Variants in COG4 observed in about 807,000 individuals in gnomAD.
The protein encoded by COG4 is conserved oligomeric Golgi complex subunit 4.
Under a neutral mutation model 95.1 loss-of-function variants are expected in COG4, and 65 were observed. The observed-to-expected ratio is 0.68, with a 90% CI of 0.56 to 0.84. The LOEUF (loss-of-function observed/expected upper bound fraction) is 0.84. Among genes scored for constraint, COG4 ranks in the 40% least tolerant of loss-of-function variants. The pLI is 0.00. For synonymous variants in COG4, 421 were observed against 374.8 expected (o/e 1.12, Z -1.42); for missense variants, 1,045 against 989.1 (o/e 1.06, Z -0.76).
intron 13 of COG4, among the ~76,000 whole-genome samples, chr16:70,487,590 A>C (rs1248601552): frequency 2.0e-5 from 3 of 152,204 alleles, no homozygotes; most frequent in Non-Finnish European, 4.4e-5. Flanking sequence ...TCAAAAAAAA[A>C]CCAACAATGA....
chr16:70,488,781 C>T (rs1266110405), intron 13 of COG4, among the ~76,000 whole-genome samples: 1 of 149,772 alleles, frequency 6.7e-6, no homozygotes, highest in East Asian at 2.0e-4. Context: ...GAATTCCTGA[C>T]CTCAGGTGAT....
intron 13 of COG4, among the ~76,000 whole-genome samples, chr16:70,487,804 TTATTTTTAC>T (rs1246113959): frequency 5.9e-5 from 9 of 152,130 alleles, no homozygotes; most frequent in Admixed American, 3.3e-4. Context: ...AATTTTAAAT[TTATTTTTAC>T]TATTTTTACT....
intron 2 of COG4, among the ~76,000 whole-genome samples, chr16:70,518,485 A>C (rs1311373896): frequency 6.6e-6 from 1 of 152,122 alleles, no homozygotes; most frequent in Non-Finnish European, 1.5e-5. Context: ...TAGCCTCCTG[A>C]GTAGCTGAGA....
chr16:70,522,270 C>T (rs2049963747), intron 1 of COG4, among the ~76,000 whole-genome samples: 2 of 152,132 alleles, frequency 1.3e-5, no homozygotes, highest in African/African-American at 4.8e-5. Context: ...GCTGGGATGG[C>T]AGGCGTGAGC....
intron 5 of COG4, among the ~76,000 whole-genome samples, chr16:70,510,459 A>T (rs945665944): frequency 5.3e-5 from 8 of 152,212 alleles, no homozygotes; most frequent in African/African-American, 1.9e-4. Flanking sequence ...AGTAGCTGGA[A>T]CTATAGGCGA....
intron 9 of COG4, among the ~76,000 whole-genome samples, chr16:70,500,386 T>TTTTTTTTTTTTGAAA (rs2049424016): frequency 8.2e-6 from 1 of 121,948 alleles, no homozygotes; most frequent in African/African-American, 2.9e-5. Context: ...TTTTTTTTTT[T>TTTTTTTTTTTTGAAA]GAGACAGAGT....
At chr16:70,482,282 C>T in intron 15 of COG4, 107 bp from the exon 16 acceptor site, 1 of 802,168 alleles carries the variant, frequency 1.2e-6, no homozygotes, top group Admixed American at 1.9e-5. Context: ...TTCTTCCTTC[C>T]CTGTGCCTTC....
intron 17 of COG4, 115 bp from the exon 18 acceptor site, chr16:70,481,602 T>C (rs2151737072): frequency 6.6e-7 from 1 of 1,519,124 alleles, no homozygotes; most frequent in Non-Finnish European, 9.1e-7. Context: ...TGCCCTGTGG[T>C]TTGTTTGCTC....
Position 70,505,664 on chromosome 16 carries a change from C to T in COG4, c.1061+2742G>A, listed in dbSNP as rs1410163013. Among the ~76,000 whole-genome samples, 90 of 150,444 alleles carry T rather than the reference C, an allele frequency of 6.0e-4. 1 individual carries two copies. The highest frequency in any genetic ancestry group is 3.9e-4 in the Non-Finnish European group (26 of 67,504). ...CTAACACGGTGAAACCCCGTCTCTACTAAAAATACAAAAAATTAGCCGGGC... is the reference window on the plus strand; with the variant it reads ...CTAACACGGTGAAACCCCGTCTCTATTAAAAATACAAAAAATTAGCCGGGC... On this transcript the variant is annotated intron_variant, in intron 8 of 18. Coordinates refer to ENST00000323786, the MANE Select transcript of COG4 (RefSeq NM_015386.3).
rs9929882 is a variant in COG4, at chr16:70,516,542, C to G, written c.369+1084G>C. Among the ~76,000 whole-genome samples the G allele has an allele frequency of 2.0e-5, 3 of 151,840 alleles. 1 individual carries two copies. Among genetic ancestry groups the G allele is most frequent in the African/African-American group, 7.3e-5 (3 of 41,216 alleles). On this transcript the variant is annotated intron_variant, in intron 3 of 18. Transcript: ENST00000323786. ...CGATCTCCTGACCTTGTGATCTGTC[C>G]GCCTTGGCCTCCCAAAGTGCTGGGA... is the stretch of plus-strand genomic sequence containing the variant.
At chr16:70,491,056 C>G (rs1391835690) in intron 12 of COG4, among the ~76,000 whole-genome samples, 1 of 152,150 alleles carries the variant, frequency 6.6e-6, no homozygotes, top group Non-Finnish European at 1.5e-5. Flanking sequence ...GGTCAAGCCC[C>G]AGGTCAGTGA....
At chr16:70,495,397 C>CAAAAAAA (rs11382671) in intron 12 of COG4, among the ~76,000 whole-genome samples, 4 of 111,330 alleles carry the variant, frequency 3.6e-5, no homozygotes, top group African/African-American at 1.4e-4. Flanking sequence ...GACTCCATCT[C>CAAAAAAA]AAAAAAAAAA....
intron 12 of COG4, among the ~76,000 whole-genome samples, chr16:70,494,783 AT>A (rs2049307014): frequency 6.6e-6 from 1 of 152,244 alleles, no homozygotes; most frequent in Non-Finnish European, 1.5e-5. Flanking sequence ...AAGTTGGTTC[AT>A]GATGTGATGC....
At chr16:70,506,644 T>C (rs1436380792) in intron 8 of COG4, among the ~76,000 whole-genome samples, 1 of 97,360 alleles carries the variant, frequency 1.0e-5, no homozygotes, top group Non-Finnish European at 1.9e-5. Context: ...TAGCTGGGAG[T>C]GGTGACTGTA....
chr16:70,497,984 A>C lies in COG4; in HGVS notation c.1267T>G (p.Leu423Val). Residue 423 changes from leucine to valine, a missense_variant, in exon 10 of 19, where the codon TTA becomes GTA. Physicochemically the swap from Leu to Val is conservative, Grantham distance 32. Coordinates refer to ENST00000323786, the MANE Select transcript of COG4 (RefSeq NM_015386.3). The part of the protein sequence containing the change: ...LSCTMQELIG[L>V]YVTMEEYFMR... ...AAGTACTCCTCCATGGTAACATATA[A>C]GCCAATTAGCTCCTGCATGGTACAG... The C allele has an allele frequency of 6.2e-7, 1 of 1,613,376 alleles. No individual in the cohort carries two copies. The highest frequency in any genetic ancestry group is 8.5e-7 in the Non-Finnish European group (1 of 1,179,310).
At chr16:70,523,137 G>A (rs902879822) in intron 1 of COG4, 7 of 573,900 alleles carry the variant, frequency 1.2e-5, no homozygotes, top group Admixed American at 5.9e-5. Context: ...ATCAACGGGG[G>A]TCTAGGGAGG....
At chr16:70,521,426 T>G (rs2049939407) in intron 1 of COG4, among the ~76,000 whole-genome samples, 1 of 152,188 alleles carries the variant, frequency 6.6e-6, no homozygotes, top group East Asian at 1.9e-4. Flanking sequence ...TTCGCCACGT[T>G]GGCCAGGTTG....
chr16:70,510,078 A>G (rs115804596), intron 5 of COG4, 57 bp from the exon 6 acceptor site: 11 of 1,436,694 alleles, frequency 7.7e-6, no homozygotes, highest in Middle Eastern at 1.8e-4. Context: ...CATACCAGGT[A>G]TATCTCAGTT....
intron 15 of COG4, 95 bp downstream of exon 15, chr16:70,482,634 G>C: frequency 1.0e-6 from 1 of 987,110 alleles, no homozygotes. Flanking sequence ...GGGAAGCATG[G>C]AAGGTCTAGT....
Sources: allele counts gnomAD v4.1 joint callset (sites outside exome capture counted in the v4.1 genomes callset), GRCh38; gene constraint gnomAD v4.1.1; transcripts MANE v1.5; gene names NCBI Gene and HGNC (gene_info 2026-07-23, HGNC 2026-07-21).